The following PPP1R9A variants were observed in gnomAD, a reference collection of about 807,000 sequenced individuals.
PPP1R9A encodes neurabin-1.
Under a neutral mutation model 141.9 loss-of-function variants are expected in PPP1R9A, and 59 were observed. The observed-to-expected ratio is 0.42, with a 90% CI of 0.34 to 0.52. The LOEUF (loss-of-function observed/expected upper bound fraction) is 0.52. PPP1R9A is among the 20% of genes least tolerant of loss of function. PPP1R9A has a pLI of 0.10. For missense variants in PPP1R9A, 1,444 were observed against 1,611.9 expected (o/e 0.90, Z 1.78); for synonymous variants, 500 against 569.7 (o/e 0.88, Z 1.74).
chr7:95,233,706 C>G (rs915331375), intron 8 of PPP1R9A, among the ~76,000 whole-genome samples: 4 of 152,012 alleles, frequency 2.6e-5, no homozygotes, highest in African/African-American at 9.7e-5. Flanking sequence ...AATACCCAAA[C>G]CGGGAAGGGA....
At chr7:95,079,058 T>C (rs548640314) in intron 2 of PPP1R9A, among the ~76,000 whole-genome samples, 1 of 152,212 alleles carries the variant, frequency 6.6e-6, no homozygotes, top group Non-Finnish European at 1.5e-5. Context: ...TCCTTGCCCA[T>C]GCCTATGTCC....
Position 94,911,298 on chromosome 7 carries a change from G to A in PPP1R9A, c.1185G>A (p.Val395=). 1.2e-6 allele frequency: 2 copies of A among 1,614,158 alleles called. No individual in the cohort carries two copies. The highest frequency in any genetic ancestry group is 1.7e-6 in the Non-Finnish European group (2 of 1,180,018). Residue 395 remains valine (V), a synonymous_variant, in exon 2 of 20, where the codon GTG becomes GTA. Coordinates refer to ENST00000433360, the MANE Select transcript of PPP1R9A (RefSeq NM_001166160.2). The stretch of plus-strand genomic sequence containing the variant: ...CAAATAATTTTGATGGTTCCCATGT[G>A]TACATGCACAGTGACTATAATGTGT... ...EDSNNFDGSH[V]YMHSDYNVYR...
At chr7:95,079,954 A>G (rs1815531580) in intron 2 of PPP1R9A, among the ~76,000 whole-genome samples, 1 of 152,190 alleles carries the variant, frequency 6.6e-6, no homozygotes, top group South Asian at 2.1e-4. Context: ...AATAAGAGCT[A>G]TCTATGACAA....
intron 2 of PPP1R9A, among the ~76,000 whole-genome samples, chr7:95,012,986 A>C (rs1270814960): frequency 6.6e-6 from 1 of 152,002 alleles, no homozygotes; most frequent in Admixed American, 6.6e-5. Context: ...TTTTTTGTAT[A>C]TGTAGTAGGT....
At chr7:95,060,994 C>T (rs1396149367) in intron 2 of PPP1R9A, among the ~76,000 whole-genome samples, 4 of 152,058 alleles carry the variant, frequency 2.6e-5, no homozygotes, top group African/African-American at 9.7e-5. Flanking sequence ...AGGAAAGTTG[C>T]GAGCCAGTGT....
At chr7:95,113,265 A>G (rs931247293) in intron 3 of PPP1R9A, among the ~76,000 whole-genome samples, 7 of 152,198 alleles carry the variant, frequency 4.6e-5, no homozygotes, top group Non-Finnish European at 1.0e-4. Flanking sequence ...AATCCAAGAA[A>G]AATCATGAAA....
Position 95,290,314 on chromosome 7 carries a change from CT to C in PPP1R9A, c.*13del. On this transcript the variant is annotated 3_prime_UTR_variant, in exon 20 of 20. Coordinates refer to ENST00000433360, the MANE Select transcript of PPP1R9A (RefSeq NM_001166160.2). ...GCTGGTGAGCAGTAACACATACCCT[CT>C]TACAGATGATGGAGATGCTCCAAGA... 1 of 1,602,108 alleles carries C rather than the reference CT, an allele frequency of 6.2e-7. No homozygotes were observed. The highest frequency in any genetic ancestry group is 8.5e-7 in the Non-Finnish European group (1 of 1,174,176).
intron 4 of PPP1R9A, among the ~76,000 whole-genome samples, chr7:95,151,569 T>G (rs1828679542): frequency 6.6e-6 from 1 of 152,140 alleles, no homozygotes; most frequent in South Asian, 2.1e-4. Flanking sequence ...CATACATTTG[T>G]CAAAACCCGT....
At chr7:95,134,428 T>C (rs949140394) in intron 4 of PPP1R9A, among the ~76,000 whole-genome samples, 2 of 152,142 alleles carry the variant, frequency 1.3e-5, no homozygotes, top group Non-Finnish European at 2.9e-5. Context: ...GACACATGTA[T>C]ACCTGTATAA....
chr7:95,292,936 T>A lies in PPP1R9A; in HGVS notation c.*2633T>A, dbSNP rs1273839837. The A allele has an allele frequency of 6.6e-6, 1 of 152,216 alleles. No individual in the cohort carries two copies. Among genetic ancestry groups the A allele is most frequent in the African/African-American group, 2.4e-5 (1 of 41,464 alleles). The allele number at this position is 152,216 out of a possible 1,614,324, so 9.4% of individuals were successfully genotyped here. A position where few individuals can be genotyped will look rare whatever the true frequency, so the allele number is the denominator to read the frequency against. ...TCTTGCACAATTCCTACTTTAATGCTAGTGGTTTTCAGTGTCCTTACAATT... is the reference window on the plus strand; with the variant it reads ...TCTTGCACAATTCCTACTTTAATGCAAGTGGTTTTCAGTGTCCTTACAATT... On this transcript the variant is annotated 3_prime_UTR_variant, in exon 20 of 20. Transcript: ENST00000433360.
chr7:94,918,052 C>G (rs1792315000), intron 2 of PPP1R9A, among the ~76,000 whole-genome samples: 1 of 152,112 alleles, frequency 6.6e-6, no homozygotes, highest in East Asian at 1.9e-4. Flanking sequence ...ATGCTGTTAT[C>G]TAATTTACCT....
chr7:94,957,776 C>T (rs1797224729), intron 2 of PPP1R9A, among the ~76,000 whole-genome samples: 1 of 151,998 alleles, frequency 6.6e-6, no homozygotes, highest in Non-Finnish European at 1.5e-5. Context: ...CTGTACGACC[C>T]CTTTCTTCAC....
intron 8 of PPP1R9A, among the ~76,000 whole-genome samples, chr7:95,235,910 C>T (rs546473884): frequency 1.7e-4 from 26 of 152,236 alleles, no homozygotes; most frequent in African/African-American, 6.3e-4. Context: ...AACCAAACAT[C>T]GTATGTTCTC....
rs1310003972 is a variant in PPP1R9A, at chr7:94,910,985, C to T, written c.872C>T (p.Ser291Leu). 4.3e-6 allele frequency: 7 copies of T among 1,613,970 alleles called. No individual in the cohort carries two copies. Among genetic ancestry groups the T allele is most frequent in the African/African-American group, 2.7e-5 (2 of 74,910 alleles). The change falls in exon 2 of 20, where the codon TCG becomes TTG. Residue 291 changes from serine to leucine, a missense_variant. Ser to Leu is a moderately radical substitution (Grantham distance 145). Around this residue, in one of 5 missense-constraint regions of PPP1R9A, gnomAD observed 490 missense variants for 521.1 expected, o/e 0.94. Coordinates refer to ENST00000433360, the MANE Select transcript of PPP1R9A (RefSeq NM_001166160.2). The surrounding 1 kb of genome is among the most constrained non-coding windows in gnomAD (Gnocchi z 4.5). The stretch of plus-strand genomic sequence containing the variant: ...GCTTCTAAAAGTACCTCTCTAGCTT[C>T]GATACCTGGTGAAGAGATCCAGCAG... ...EVASKSTSLA[S>L]IPGEEIQQSK...
At chr7:95,277,114 T>C (rs987610326) in intron 16 of PPP1R9A, among the ~76,000 whole-genome samples, 2 of 152,218 alleles carry the variant, frequency 1.3e-5, no homozygotes, top group Non-Finnish European at 2.9e-5. Context: ...AGTAATGTTA[T>C]CTTTTTGAAG....
At chr7:95,194,106 T>C (rs1331310526) in intron 5 of PPP1R9A, among the ~76,000 whole-genome samples, 2 of 152,064 alleles carry the variant, frequency 1.3e-5, no homozygotes, top group African/African-American at 4.8e-5. Context: ...TGCTACTCTA[T>C]GATGCATTTA....
intron 2 of PPP1R9A, among the ~76,000 whole-genome samples, chr7:95,083,238 T>C (rs1239310743): frequency 2.0e-5 from 3 of 151,914 alleles, no homozygotes; most frequent in Non-Finnish European, 4.4e-5. Flanking sequence ...AGAACTATGA[T>C]TGGAGGACAA....
chr7:95,018,739 C>T (rs193137379), intron 2 of PPP1R9A, among the ~76,000 whole-genome samples: 5 of 152,280 alleles, frequency 3.3e-5, no homozygotes, highest in Non-Finnish European at 5.9e-5. Context: ...CTTGCTTCTG[C>T]ATTTCCCTGT....
Position 95,292,124 on chromosome 7 carries a change from G to A in PPP1R9A, c.*1821G>A, listed in dbSNP as rs569367994. On this transcript the variant is annotated 3_prime_UTR_variant, in exon 20 of 20. Transcript: ENST00000433360. The stretch of plus-strand genomic sequence containing the variant: ...AACATTGTGTTTTACAGTTATCAAA[G>A]TCACCATTATGTTTTTCTGTCTGTC... 1.3e-5 allele frequency: 2 copies of A among 152,060 alleles called. No individual in the cohort carries two copies. Among genetic ancestry groups the A allele is most frequent in the Non-Finnish European group, 2.9e-5 (2 of 68,014 alleles). 9.4% of individuals were successfully genotyped at this position (152,060 alleles called of 1,614,324 possible).
Sources: gnomAD v4.1 joint callset for allele counts (sites outside exome capture counted in the v4.1 genomes callset) on GRCh38, gnomAD v4.1.1 for gene constraint, gnomAD v4.1.1 regional missense constraint, Gnocchi (gnomAD v3.1) non-coding constraint, MANE v1.5 for transcripts, NCBI Gene and HGNC (gene_info 2026-07-23, HGNC 2026-07-21) for gene names.